SPAG16: variants seen among roughly 807,000 people sequenced by gnomAD.
SPAG16 encodes the protein sperm associated antigen 16, also known as sperm-associated antigen 16 protein.
Under a neutral mutation model 80.4 loss-of-function variants are expected in SPAG16, and 86 were observed. The observed-to-expected ratio is 1.07, with a 90% CI of 0.90 to 1.28. The LOEUF is 1.28. Ranked by LOEUF, SPAG16 falls within the 50% of genes most tolerant of loss-of-function variation. SPAG16 has a pLI of 0.00. For synonymous variants in SPAG16, 294 were observed against 265.9 expected (o/e 1.11, Z -1.03); for missense variants, 870 against 765.3 (o/e 1.14, Z -1.61).
At chr2:214,295,008 A>C (rs1694036596) in intron 15 of SPAG16, among the ~76,000 whole-genome samples, 1 of 152,258 alleles carries the variant, frequency 6.6e-6, no homozygotes, top group Admixed American at 6.5e-5. Flanking sequence ...CACTTGCTCT[A>C]GCCACGGTCA....
intron 13 of SPAG16, among the ~76,000 whole-genome samples, chr2:214,039,757 CTTTG>C (rs1559722887): frequency 6.6e-6 from 1 of 152,156 alleles, no homozygotes; most frequent in East Asian, 1.9e-4. Context: ...CCTTATTTTG[CTTTG>C]TTTTTGTATT....
intron 3 of SPAG16, among the ~76,000 whole-genome samples, chr2:213,301,221 C>G (rs1232756322): frequency 6.7e-6 from 1 of 149,046 alleles, no homozygotes; most frequent in Non-Finnish European, 1.5e-5. Flanking sequence ...AATTCCCATT[C>G]TCTCCATGTA....
At chr2:214,203,036 T>C (rs1339285446) in intron 15 of SPAG16, among the ~76,000 whole-genome samples, 1 of 152,168 alleles carries the variant, frequency 6.6e-6, no homozygotes, top group African/African-American at 2.4e-5. Flanking sequence ...CAAAACAGGT[T>C]TTAAATTCTG....
chr2:214,265,087 ACAT>A, intron 15 of SPAG16, among the ~76,000 whole-genome samples: 1 of 152,154 alleles, frequency 6.6e-6, no homozygotes, highest in East Asian at 1.9e-4. Flanking sequence ...ATTGCCATAA[ACAT>A]CAAGTTTTCA....
At chr2:214,382,053 G>A (rs995403131) in intron 15 of SPAG16, among the ~76,000 whole-genome samples, 4 of 152,160 alleles carry the variant, frequency 2.6e-5, no homozygotes, top group African/African-American at 9.7e-5. Flanking sequence ...TAAATATCAC[G>A]GTGATTTGTT....
rs2062430538 is a variant in SPAG16 at position 213,294,729 on chromosome 2, G to A, written c.137-1335G>A. On this transcript the variant is annotated intron_variant, in intron 1 of 15. Transcript: ENST00000331683. Reference sequence around the variant, plus strand: ...GGATGATTACTTGTGATGGAGCTTAGTAGCAGTAATAAATTTATAGGTTTA... The same window carrying A: ...GGATGATTACTTGTGATGGAGCTTAATAGCAGTAATAAATTTATAGGTTTA... Among the ~76,000 whole-genome samples the A allele has an allele frequency of 2.6e-5, 4 of 152,272 alleles. No homozygotes were observed. In the South Asian group the frequency reaches 8.3e-4, roughly 32 times the overall value.
At chr2:213,877,534 C>T (rs950688941) in intron 11 of SPAG16, among the ~76,000 whole-genome samples, 1 of 152,128 alleles carries the variant, frequency 6.6e-6, no homozygotes, top group East Asian at 1.9e-4. Context: ...AAGCTAATCC[C>T]AAACTCTTGA....
Position 214,076,704 on chromosome 2 carries a change from T to C in SPAG16, c.1528-31492T>C, listed in dbSNP as rs554797232. Among the ~76,000 whole-genome samples, 42 of 152,306 alleles carry C rather than the reference T, an allele frequency of 2.8e-4. 1 individual carries two copies. The South Asian group carries it at 7.9e-3, about 29-fold the overall frequency. On this transcript the variant is annotated intron_variant, in intron 13 of 15. Transcript: ENST00000331683. ...ACCTCTTGTAGTTCTTATTATAGAA[T>C]GTGCCTTGGGCTGTGATCGTGAGAA...
intron 12 of SPAG16, among the ~76,000 whole-genome samples, chr2:213,930,520 T>C (rs1402167686): frequency 6.6e-6 from 1 of 152,204 alleles, no homozygotes; most frequent in Non-Finnish European, 1.5e-5. Flanking sequence ...AATGTAATAG[T>C]TCAACGAACG....
chr2:213,527,064 T>C (rs1284573387), intron 10 of SPAG16, among the ~76,000 whole-genome samples: 4 of 152,176 alleles, frequency 2.6e-5, no homozygotes, highest in Admixed American at 2.0e-4. Flanking sequence ...CTCTCAGCTG[T>C]GCCTGGTATC....
At chr2:214,182,746 T>C (rs2057346816) in intron 15 of SPAG16, among the ~76,000 whole-genome samples, 1 of 151,984 alleles carries the variant, frequency 6.6e-6, no homozygotes, top group Non-Finnish European at 1.5e-5. Flanking sequence ...ACTTGCTCTG[T>C]ATTTTAGCAA....
At chr2:214,314,145 A>T (rs1318586445) in intron 15 of SPAG16, among the ~76,000 whole-genome samples, 1 of 152,152 alleles carries the variant, frequency 6.6e-6, no homozygotes, top group Non-Finnish European at 1.5e-5. Context: ...GCACATGGTC[A>T]GTTGCTTCTG....
chr2:213,642,890 T>C (rs1011951038), intron 10 of SPAG16, among the ~76,000 whole-genome samples: 1 of 148,256 alleles, frequency 6.7e-6, no homozygotes, highest in Non-Finnish European at 1.5e-5. Flanking sequence ...CTCTTTTCCA[T>C]GCTGGATGCT....
intron 9 of SPAG16, among the ~76,000 whole-genome samples, chr2:213,385,792 C>CCACACA (rs55899353): frequency 0.36 from 54,119 of 149,212 alleles, 10,147 homozygotes; most frequent in East Asian, 0.62. Flanking sequence ...TCATCTCTGT[C>CCACACA]CACACACACA....
At chr2:213,981,284 T>A (rs1352339317) in intron 12 of SPAG16, among the ~76,000 whole-genome samples, 1 of 152,108 alleles carries the variant, frequency 6.6e-6, no homozygotes, top group Admixed American at 6.6e-5. Flanking sequence ...AATGTATGAG[T>A]TTGTGGGGGA....
At chr2:213,400,816 CT>C (rs1002738761) in intron 9 of SPAG16, among the ~76,000 whole-genome samples, 15 of 151,166 alleles carry the variant, frequency 9.9e-5, no homozygotes, top group Non-Finnish European at 1.5e-4. Context: ...TTGTTTTTTT[CT>C]TTTTTTTGAG....
intron 15 of SPAG16, among the ~76,000 whole-genome samples, chr2:214,248,318 T>G (rs1334841754): frequency 9.3e-6 from 1 of 107,734 alleles, no homozygotes; most frequent in East Asian, 2.5e-4. Flanking sequence ...TTATTATTAT[T>G]ATTATTATTA....
intron 2 of SPAG16, among the ~76,000 whole-genome samples, chr2:213,296,478 G>C (rs1439653860): frequency 1.3e-5 from 2 of 152,180 alleles, no homozygotes; most frequent in Admixed American, 1.3e-4. Context: ...AGTTGAAGCG[G>C]AGGCCTTATG....
At chr2:214,025,521 C>G (rs978935234) in intron 13 of SPAG16, among the ~76,000 whole-genome samples, 2 of 151,614 alleles carry the variant, frequency 1.3e-5, no homozygotes. Context: ...TTCAAATTCA[C>G]TGTAGTACCA....
Sources: gnomAD v4.1 joint callset for allele counts (sites outside exome capture counted in the v4.1 genomes callset) on GRCh38, gnomAD v4.1.1 for gene constraint, MANE v1.5 for transcripts, NCBI Gene and HGNC (gene_info 2026-07-23, HGNC 2026-07-21) for gene names.